Variants in DLC1 observed in about 807,000 individuals in gnomAD.
The protein encoded by DLC1 is rho GTPase-activating protein 7.
DLC1 carries 54 observed loss-of-function variants against 140.3 expected under a neutral mutation model. The ratio of observed to expected loss-of-function variants is 0.38; its 90% CI spans 0.31 to 0.48. The LOEUF (loss-of-function observed/expected upper bound fraction) is 0.48, where lower values mean the gene tolerates loss of function less well. Ranked by LOEUF, DLC1 falls within the 20% of genes least tolerant of loss-of-function variation. The pLI is 0.96. For missense variants in DLC1, 2,536 were observed against 1,907.0 expected (o/e 1.33, Z -6.14); for synonymous variants, 986 against 728.1 (o/e 1.35, Z -5.70).
chr8:13,415,147 G>C (rs1481257366), intron 2 of DLC1, among the ~76,000 whole-genome samples: 1 of 151,952 alleles, frequency 6.6e-6, no homozygotes, highest in Admixed American at 6.6e-5. Flanking sequence ...GTGGCAACTA[G>C]TGCCATACAA....
rs186618132 is a variant in DLC1, at chr8:13,295,616, A to T, written c.1348+9653T>A. Reference sequence around the variant, plus strand: ...TATAATAGAAATGTCTATGGAATCCATTGAAAGAGATTTTGAACTTCCCTG... The same window carrying T: ...TATAATAGAAATGTCTATGGAATCCTTTGAAAGAGATTTTGAACTTCCCTG... On this transcript the variant is annotated intron_variant, in intron 5 of 17. Transcript: ENST00000276297. Among the ~76,000 whole-genome samples the T allele has an allele frequency of 4.2e-4, 64 of 152,320 alleles. No individual in the cohort carries two copies. The Middle Eastern group carries it at 0.014, about 32-fold the overall frequency.
intron 2 of DLC1, among the ~76,000 whole-genome samples, chr8:13,416,071 C>T (rs1838042222): frequency 1.3e-5 from 2 of 152,136 alleles, no homozygotes; most frequent in Non-Finnish European, 2.9e-5. Context: ...AGCTGAGGGT[C>T]ATTTCTTTTT....
intron 1 of DLC1, among the ~76,000 whole-genome samples, chr8:13,552,209 A>G (rs1288715638): frequency 1.4e-5 from 2 of 144,912 alleles, no homozygotes; most frequent in African/African-American, 2.5e-5. Context: ...AGGTGTATAT[A>G]TATACCTGTC....
At chr8:13,396,494 A>G (rs1837050425) in intron 3 of DLC1, among the ~76,000 whole-genome samples, 1 of 152,206 alleles carries the variant, frequency 6.6e-6, no homozygotes, top group African/African-American at 2.4e-5. Context: ...CCTTTCACAG[A>G]CAAGGCTTTA....
chr8:13,108,237 G>A (rs1032910333), intron 7 of DLC1, among the ~76,000 whole-genome samples: 53 of 152,184 alleles, frequency 3.5e-4, no homozygotes, highest in African/African-American at 1.3e-3. Flanking sequence ...TGTGAACTCT[G>A]AAGAATTTCC....
At chr8:13,150,407 T>C (rs1355240745) in intron 5 of DLC1, among the ~76,000 whole-genome samples, 1 of 152,210 alleles carries the variant, frequency 6.6e-6, no homozygotes, top group Non-Finnish European at 1.5e-5. Flanking sequence ...TCTCTCTTTT[T>C]TTTTCTTTGT....
chr8:13,192,928 T>G (rs1281658514), intron 5 of DLC1, among the ~76,000 whole-genome samples: 1 of 152,206 alleles, frequency 6.6e-6, no homozygotes, highest in African/African-American at 2.4e-5. Flanking sequence ...AAATTTCAGT[T>G]GTTTGAGCCA....
chr8:13,439,663 A>T (rs1244466639), intron 2 of DLC1, among the ~76,000 whole-genome samples: 3 of 152,084 alleles, frequency 2.0e-5, no homozygotes, highest in Non-Finnish European at 2.9e-5. Context: ...ATTCTCTATT[A>T]CTTTGGAGAT....
chr8:13,137,688 G>A (rs920716350), intron 5 of DLC1, among the ~76,000 whole-genome samples: 15 of 148,080 alleles, frequency 1.0e-4, no homozygotes, highest in African/African-American at 2.7e-4. Context: ...TACAACCTCC[G>A]CCTCTGGTTT....
chr8:13,294,427 A>G (rs1294179607), intron 5 of DLC1, among the ~76,000 whole-genome samples: 1 of 152,216 alleles, frequency 6.6e-6, no homozygotes, highest in African/African-American at 2.4e-5. Context: ...GATGTGCTAT[A>G]GTTATATCAT....
chr8:13,168,482 T>C (rs947928660), intron 5 of DLC1, among the ~76,000 whole-genome samples: 1 of 152,138 alleles, frequency 6.6e-6, no homozygotes, highest in East Asian at 1.9e-4. Context: ...ATTCCTGTTA[T>C]GGAAATAAAT....
At chr8:13,133,834 G>A (rs981483381) in intron 5 of DLC1, among the ~76,000 whole-genome samples, 2 of 152,146 alleles carry the variant, frequency 1.3e-5, no homozygotes, top group African/African-American at 2.4e-5. Context: ...GGGATGGTCA[G>A]TGTTTCCAGA....
chr8:13,347,819 A>T (rs2117015213), intron 4 of DLC1, among the ~76,000 whole-genome samples: 1 of 152,252 alleles, frequency 6.6e-6, no homozygotes, highest in African/African-American at 2.4e-5. Context: ...CTTCCAGGGA[A>T]AGGGCATTAA....
intron 5 of DLC1, among the ~76,000 whole-genome samples, chr8:13,250,135 G>A (rs1164230802): frequency 2.0e-5 from 3 of 152,218 alleles, no homozygotes; most frequent in African/African-American, 4.8e-5. Flanking sequence ...ACATGGAATA[G>A]GATCAATACG....
At chr8:13,172,138 C>T (rs982729230) in intron 5 of DLC1, among the ~76,000 whole-genome samples, 5 of 152,152 alleles carry the variant, frequency 3.3e-5, no homozygotes, top group African/African-American at 7.2e-5. Context: ...TGGGGGGTAG[C>T]TATTTTTATA....
chr8:13,214,574 T>TTTTGG, intron 5 of DLC1: 2 of 647,506 alleles, frequency 3.1e-6, no homozygotes, highest in Non-Finnish European at 2.8e-6. Flanking sequence ...TTTTTTTTTT[T>TTTTGG]GTGGCTGCCC....
chr8:13,411,302 G>T (rs1837768517), intron 2 of DLC1, among the ~76,000 whole-genome samples: 1 of 152,150 alleles, frequency 6.6e-6, no homozygotes, highest in African/African-American at 2.4e-5. Flanking sequence ...AGTGAAAGAA[G>T]TCAGTCTGAC....
chr8:13,225,821 TAGTC>T (rs1828772855), intron 5 of DLC1, among the ~76,000 whole-genome samples: 1 of 152,114 alleles, frequency 6.6e-6, no homozygotes, highest in African/African-American at 2.4e-5. Context: ...TTCACCGTGT[TAGTC>T]AGGATGGTTT....
chr8:13,460,411 G>A (rs977549319), intron 2 of DLC1, among the ~76,000 whole-genome samples: 1 of 152,206 alleles, frequency 6.6e-6, no homozygotes, highest in Non-Finnish European at 1.5e-5. Context: ...CGTGTTCTGG[G>A]CGTTCATTCA....
Sources: gnomAD v4.1 joint callset for allele counts (sites outside exome capture counted in the v4.1 genomes callset) on GRCh38, gnomAD v4.1.1 for gene constraint, MANE v1.5 for transcripts, NCBI Gene and HGNC (gene_info 2026-07-23, HGNC 2026-07-21) for gene names.